Variants in WFS1 observed in about 807,000 individuals in gnomAD.
WFS1 encodes the protein wolframin ER transmembrane glycoprotein.
In WFS1, 90 loss-of-function variants were observed where a neutral mutation model predicts 68.5. The observed-to-expected ratio is 1.31, with a 90% CI of 1.11 to 1.56. The LOEUF (loss-of-function observed/expected upper bound fraction) is 1.56. WFS1 is among the 40% of genes most tolerant of loss of function. The pLI, the probability that WFS1 is intolerant of heterozygous loss-of-function variation, is 0.00. For missense variants in WFS1, 1,767 were observed against 1,232.6 expected (o/e 1.43, Z -6.49); for synonymous variants, 860 against 540.7 (o/e 1.59, Z -8.19).
In WFS1 at chr4:6,301,269, C is replaced by G; in HGVS notation, c.1474C>G (p.Pro492Ala). ...KVLGQTFITV[P>A]VGHLVVLNVS... ...CCTTGGCCAGACCTTCATCACCGTG[C>G]CTGTCGGCCACCTGGTCGTCCTCAA... Residue 492 changes from proline to alanine, a missense_variant, in exon 8 of 8, where the codon CCT becomes GCT. Pro to Ala is a conservative substitution (Grantham distance 27). Coordinates refer to ENST00000226760, the MANE Select transcript of WFS1 (RefSeq NM_006005.3). The G allele has an allele frequency of 6.2e-7, 1 of 1,611,332 alleles. No homozygotes were observed. The highest frequency in any genetic ancestry group is 1.3e-5 in the African/African-American group (1 of 75,064).
At chr4:6,286,849 G>A (rs1179124319) in intron 2 of WFS1, among the ~76,000 whole-genome samples, 1 of 152,214 alleles carries the variant, frequency 6.6e-6, no homozygotes, top group African/African-American at 2.4e-5. Flanking sequence ...TTGAGTTGCT[G>A]TTGAACCACC....
intron 4 of WFS1, among the ~76,000 whole-genome samples, chr4:6,290,486 T>C (rs998522402): frequency 6.6e-6 from 1 of 152,260 alleles, no homozygotes; most frequent in Non-Finnish European, 1.5e-5. Context: ...GTTGGCCCCG[T>C]GTTCCCCCAG....
chr4:6,272,670 A>T (rs550688117), intron 1 of WFS1, among the ~76,000 whole-genome samples: 3 of 152,260 alleles, frequency 2.0e-5, no homozygotes, highest in Non-Finnish European at 4.4e-5. Context: ...AACTAGGGAA[A>T]TATGTTTAAA....
rs143886476 is a variant in WFS1 at position 6,300,833 on chromosome 4, G to C, written c.1038G>C (p.Pro346=). The C allele has an allele frequency of 1.2e-6, 2 of 1,613,840 alleles. No individual in the cohort carries two copies. Among genetic ancestry groups the C allele is most frequent in the African/African-American group, 2.7e-5 (2 of 74,850 alleles). The change falls in exon 8 of 8, where the codon CCG becomes CCC. Residue 346 remains proline (P), a synonymous_variant. Transcript: ENST00000226760. ...LTIDFFAFFI[P]LVIFYLSFIS... ...TCGACTTCTTCGCCTTCTTCATCCCGCTGGTCATCTTCTACCTGTCCTTCA... is the reference window on the plus strand; with the variant it reads ...TCGACTTCTTCGCCTTCTTCATCCCCCTGGTCATCTTCTACCTGTCCTTCA...
chr4:6,279,944 C>T (rs747382845), intron 2 of WFS1, among the ~76,000 whole-genome samples: 4 of 152,238 alleles, frequency 2.6e-5, no homozygotes, highest in Admixed American at 6.5e-5. Context: ...GCTTCAGAAA[C>T]GTCACTGGGC....
chr4:6,300,193 G>A lies in WFS1; in HGVS notation c.862-464G>A, dbSNP rs866132562. Among the ~76,000 whole-genome samples, 8 of 152,236 alleles carry A rather than the reference G, an allele frequency of 5.3e-5. No homozygotes were observed. The South Asian group carries it at 1.2e-3, about 24-fold the overall frequency. ...GCGGCTTCTCCTCCTCGTAAGGATC[G>A]CCATTTCCCTTCATGGAGGCTCAGG... is the stretch of plus-strand genomic sequence containing the variant. On this transcript the variant is annotated intron_variant, in intron 7 of 7. Coordinates refer to ENST00000226760, the MANE Select transcript of WFS1 (RefSeq NM_006005.3).
intron 7 of WFS1, among the ~76,000 whole-genome samples, chr4:6,298,142 G>A (rs1403713790): frequency 6.6e-6 from 1 of 152,238 alleles, no homozygotes; most frequent in African/African-American, 2.4e-5. Context: ...GTGAGCAGTG[G>A]CGGGCCAGGC....
intron 7 of WFS1, among the ~76,000 whole-genome samples, chr4:6,300,092 G>A (rs984598089): frequency 1.3e-5 from 2 of 152,052 alleles, no homozygotes; most frequent in African/African-American, 4.8e-5. Context: ...GGAGAGTGGT[G>A]CTGGGCCCTC....
chr4:6,270,731 C>T (rs1349321424), intron 1 of WFS1, among the ~76,000 whole-genome samples: 2 of 152,222 alleles, frequency 1.3e-5, no homozygotes, highest in Non-Finnish European at 2.9e-5. Context: ...GATGTGATGG[C>T]GCCCTGGCCT....
chr4:6,277,886 C>A (rs1385914784), intron 2 of WFS1, among the ~76,000 whole-genome samples, 199 bp downstream of exon 2: 1 of 152,260 alleles, frequency 6.6e-6, no homozygotes, highest in African/African-American at 2.4e-5. Context: ...CTTTGTGGCA[C>A]CCACTCGAGG....
rs201078003 is a variant in WFS1 at position 6,302,175 on chromosome 4, G to T, written c.2380G>T (p.Glu794Ter). ...SSGADGSRSR[E>*]EDDVTKDIVL... is the part of the protein sequence containing the mutation. ...CGGCGCTGACGGCTCGCGCAGCCGC[G>T]AGGAGGACGACGTCACCAAGGACAT... Residue 794 changes from glutamate to a stop codon, truncating the protein, a stop_gained, in exon 8 of 8, where the codon GAG becomes TAG. Coordinates refer to ENST00000226760, the MANE Select transcript of WFS1 (RefSeq NM_006005.3). LOFTEE classifies it high-confidence loss of function. 2 of 1,612,570 alleles carry T rather than the reference G, an allele frequency of 1.2e-6. No homozygotes were observed. Among genetic ancestry groups the T allele is most frequent in the Non-Finnish European group, 1.7e-6 (2 of 1,179,932 alleles).
At chr4:6,294,881 C>T in intron 6 of WFS1, 160 bp from the exon 7 acceptor site, 1 of 1,243,630 alleles carries the variant, frequency 8.0e-7, no homozygotes, top group Admixed American at 1.8e-5. Flanking sequence ...GCCTGGTCCT[C>T]AACCCTCAGG....
At position 6,289,027 on chromosome 4, in the gene WFS1, A is replaced by C. The variant is rs769147180; in HGVS notation, c.356A>C (p.Glu119Ala). 4 of 1,607,868 alleles carry C rather than the reference A, an allele frequency of 2.5e-6. No homozygotes were observed. In the South Asian group the frequency reaches 4.5e-5, roughly 18 times the overall value. ...HYLQLAGDTD[E>A]ELNSCTAVDW... ...CTGCAGTTGGCCGGCGACACGGATG[A>C]AGAACTCAACAGCTGCACCGCTGTG... The change falls in exon 4 of 8, where the codon GAA becomes GCA. Residue 119 changes from glutamate to alanine, a missense_variant. Physicochemically the swap from Glu to Ala is moderately radical, Grantham distance 107 (BLOSUM62 -1). Coordinates refer to ENST00000226760, the MANE Select transcript of WFS1 (RefSeq NM_006005.3).
Position 6,272,379 on chromosome 4 carries a change from A to G in WFS1, c.-6+2365A>G, listed in dbSNP as rs150940007. 2.7e-3 allele frequency among the ~76,000 whole-genome samples: 409 copies of G among 152,282 alleles called. 3 individuals carry two copies. Among genetic ancestry groups the G allele is most frequent in the African/African-American group, 7.9e-3 (330 of 41,554 alleles). ...TGCTGCTTGGGGCAGTCCCAATTCA[A>G]ACCCCTCTGTTCCTGTGAATGTGCC... On this transcript the variant is annotated intron_variant, in intron 1 of 7. Coordinates refer to ENST00000226760, the MANE Select transcript of WFS1 (RefSeq NM_006005.3).
At chr4:6,294,833 C>T in intron 6 of WFS1, 1 of 697,154 alleles carries the variant, frequency 1.4e-6, no homozygotes, top group Non-Finnish European at 2.4e-6. Flanking sequence ...GGAGTGGAGG[C>T]TGGCACTTGG....
At chr4:6,300,110 G>A (rs2109124363) in intron 7 of WFS1, among the ~76,000 whole-genome samples, 1 of 152,216 alleles carries the variant, frequency 6.6e-6, no homozygotes, top group East Asian at 1.9e-4. Context: ...CTCTGCCTGT[G>A]TCTGCACTGA....
In WFS1 at chr4:6,301,771, T is replaced by C; in HGVS notation, c.1976T>C (p.Val659Ala). 3 of 1,613,570 alleles carry C rather than the reference T, an allele frequency of 1.9e-6. No individual in the cohort carries two copies. Among genetic ancestry groups the C allele is most frequent in the Non-Finnish European group, 2.5e-6 (3 of 1,180,022 alleles). Residue 659 changes from valine to alanine, a missense_variant, in exon 8 of 8, where the codon GTC becomes GCC. Val to Ala is a moderately conservative substitution (Grantham distance 64). Transcript: ENST00000226760. ...GTGTACCGCTCAGAGGGCATGAAGG[T>C]CTACAACTCCACACTGACCTGGCAG... The part of the protein sequence containing the change: ...FYVYRSEGMK[V>A]YNSTLTWQQY...
intron 1 of WFS1, 60 bp from the exon 2 acceptor site, chr4:6,277,391 C>CT (rs1730025215): frequency 6.7e-7 from 1 of 1,490,584 alleles, no homozygotes; most frequent in East Asian, 2.5e-5. Flanking sequence ...CCAGCAGACA[C>CT]TAAGTGCCAG....
chr4:6,291,978 G>A lies in WFS1; in HGVS notation c.693G>A (p.Glu231=), dbSNP rs149479911. The change falls in exon 6 of 8, where the codon GAG becomes GAA. Residue 231 remains glutamate, a synonymous_variant. Transcript: ENST00000226760. ...KSLQKQRRML[E]RLVSSESKNY... ...TGCAGAAGCAGAGGCGCATGCTGGAGCGCCTGGTCAGCAGCGAGTGTGAGT... is the reference window on the plus strand; with the variant it reads ...TGCAGAAGCAGAGGCGCATGCTGGAACGCCTGGTCAGCAGCGAGTGTGAGT... 1.9e-6 allele frequency: 3 copies of A among 1,609,018 alleles called. No individual in the cohort carries two copies. Among genetic ancestry groups the A allele is most frequent in the Non-Finnish European group, 2.5e-6 (3 of 1,178,646 alleles).
Sources: allele counts gnomAD v4.1 joint callset (sites outside exome capture counted in the v4.1 genomes callset), GRCh38; gene constraint gnomAD v4.1.1; transcripts MANE v1.5; gene names NCBI Gene and HGNC (gene_info 2026-07-23, HGNC 2026-07-21).